AMOT: variants seen among roughly 807,000 people sequenced by gnomAD.
AMOT encodes the protein angiomotin.
AMOT carries 11 observed loss-of-function variants against 67.0 expected under a neutral mutation model. The observed-to-expected ratio is 0.16, with a 90% CI of 0.10 to 0.27. AMOT has a LOEUF of 0.27. Ranked by LOEUF, AMOT falls within the 10% of genes least tolerant of loss-of-function variation. The pLI, the probability that AMOT is intolerant of heterozygous loss-of-function variation, is 1.00. For synonymous variants in AMOT, 326 were observed against 321.4 expected (o/e 1.01, Z -0.15); for missense variants, 753 against 852.0 (o/e 0.88, Z 1.45).
chrX:112,806,364 T>C, intron 7 of AMOT, among the ~76,000 whole-genome samples: 1 of 101,243 alleles, frequency 9.9e-6, no homozygotes, highest in Middle Eastern at 5.0e-3. Context: ...AAAACGTGTG[T>C]GTATATATAT....
intron 10 of AMOT, among the ~76,000 whole-genome samples, chrX:112,789,793 C>T (rs551243403): frequency 1.8e-5 from 2 of 109,624 alleles, no homozygotes; most frequent in Non-Finnish European, 1.9e-5. Flanking sequence ...CAGACCAAGG[C>T]TCTGTTATCG....
Position 112,840,773 on chromosome X carries a change from G to C in AMOT, c.-610C>G, listed in dbSNP as rs1935273428. ...GTCTACCAGTTTAGGCAGCCAGAAA[G>C]CTCCTCGGAAGGAAGGGGCGTGACT... On this transcript the variant is annotated 5_prime_UTR_variant, in exon 1 of 14. Transcript: ENST00000371959. 8.8e-6 allele frequency: 1 copy of C among 113,182 alleles called. No homozygotes were observed. The highest frequency in any genetic ancestry group is 2.8e-4 in the East Asian group (1 of 3,585). 9.3% of individuals were successfully genotyped at this position (113,182 alleles called of 1,213,427 possible).
At chrX:112,797,325 A>C (rs1933855708) in intron 8 of AMOT, among the ~76,000 whole-genome samples, 1 of 111,378 alleles carries the variant, frequency 9.0e-6, no homozygotes, top group Non-Finnish European at 1.9e-5. Flanking sequence ...ACACAGTTTA[A>C]GCTATAATAA....
intron 2 of AMOT, among the ~76,000 whole-genome samples, chrX:112,828,216 T>C (rs1480609941): frequency 9.1e-6 from 1 of 109,521 alleles, no homozygotes; most frequent in Non-Finnish European, 1.9e-5. Context: ...TTGCAGGTTA[T>C]CTCAATGGAT....
intron 1 of AMOT, among the ~76,000 whole-genome samples, chrX:112,832,990 G>A (rs1253394321): frequency 1.8e-5 from 2 of 112,055 alleles, no homozygotes; most frequent in African/African-American, 3.3e-5. Flanking sequence ...CCTTGCCTGA[G>A]GTGCCACTGC....
At chrX:112,780,784 C>T in intron 12 of AMOT, 102 bp downstream of exon 12, 4 of 903,132 alleles carry the variant, frequency 4.4e-6, no homozygotes, top group Non-Finnish European at 6.2e-6. Context: ...ACACCTTCCT[C>T]TCTAGAACCT....
chrX:112,807,431 T>C (rs1184724578), intron 7 of AMOT, among the ~76,000 whole-genome samples: 1 of 109,380 alleles, frequency 9.1e-6, no homozygotes, highest in Non-Finnish European at 1.9e-5. Flanking sequence ...AGGTAAAATA[T>C]ACAGTTTGAA....
At chrX:112,810,959 T>A (rs1934343891) in intron 6 of AMOT, among the ~76,000 whole-genome samples, 1 of 111,646 alleles carries the variant, frequency 9.0e-6, no homozygotes, top group South Asian at 3.8e-4. Flanking sequence ...GCACCTATTG[T>A]GGGGGTGGGC....
Position 112,812,893 on chromosome X carries a change from A to C in AMOT, c.1393-1500T>G, listed in dbSNP as rs1484387939. ...CAAACAAATAAGGCTTATGCCACAG[A>C]AAAGAGCAGACTCAAAAGTGTTTTT... is the stretch of plus-strand genomic sequence containing the variant. On this transcript the variant is annotated intron_variant, in intron 5 of 13. Transcript: ENST00000371959. Among the ~76,000 whole-genome samples the C allele has an allele frequency of 2.7e-5, 3 of 112,580 alleles. No homozygotes were observed. The East Asian group carries it at 8.4e-4, about 31-fold the overall frequency.
Position 112,777,092 on chromosome X carries a change from T to C in AMOT, c.*1475A>G, listed in dbSNP as rs1301725120. 1 of 111,118 alleles carries C rather than the reference T, an allele frequency of 9.0e-6. No homozygotes were observed. The highest frequency in any genetic ancestry group is 1.9e-5 in the Non-Finnish European group (1 of 52,990). The allele number at this position is 111,118 out of a possible 1,213,427, so 9.2% of individuals were successfully genotyped here. A position where few individuals can be genotyped will look rare whatever the true frequency, so the allele number is the denominator to read the frequency against. ...TATCAGGCCTACTCTTCTATTAATC[T>C]GGTTTCTAACTAAGACATCCCAAAA... On this transcript the variant is annotated 3_prime_UTR_variant, in exon 14 of 14. Coordinates refer to ENST00000371959, the MANE Select transcript of AMOT (RefSeq NM_001113490.2).
chrX:112,787,538 G>C (rs1933405855), intron 10 of AMOT, among the ~76,000 whole-genome samples: 1 of 111,705 alleles, frequency 9.0e-6, no homozygotes, highest in Non-Finnish European at 1.9e-5. Context: ...CAAATTCAAG[G>C]GCACAAGAAC....
At chrX:112,818,575 G>A (rs1934629810) in intron 4 of AMOT, among the ~76,000 whole-genome samples, 1 of 111,420 alleles carries the variant, frequency 9.0e-6, no homozygotes, top group Admixed American at 9.5e-5. Context: ...AAGCCCTTCA[G>A]TGAAGAACTC....
chrX:112,784,934 T>C (rs1342171432), intron 10 of AMOT, among the ~76,000 whole-genome samples: 1 of 111,763 alleles, frequency 8.9e-6, no homozygotes, highest in Non-Finnish European at 1.9e-5. Context: ...TGCCAGCTAA[T>C]TGATATGGAC....
chrX:112,810,263 T>C (rs912585998), intron 6 of AMOT, among the ~76,000 whole-genome samples: 4 of 111,770 alleles, frequency 3.6e-5, no homozygotes, highest in Non-Finnish European at 7.5e-5. Context: ...TCCCCAAATA[T>C]ATAAAGATAT....
At chrX:112,831,775 T>C (rs1345081554) in intron 2 of AMOT, among the ~76,000 whole-genome samples, 1 of 108,134 alleles carries the variant, frequency 9.2e-6, no homozygotes, top group Admixed American at 9.9e-5. Context: ...GGCTGGACCA[T>C]ATTGACTAGG....
intron 6 of AMOT, among the ~76,000 whole-genome samples, chrX:112,810,814 C>T (rs1410113856): frequency 2.7e-5 from 3 of 111,812 alleles, no homozygotes. Flanking sequence ...AAATATTTCC[C>T]AAAGTCTTCA....
chrX:112,804,893 C>T (rs758026023), intron 8 of AMOT, 54 bp downstream of exon 8: 5 of 1,144,794 alleles, frequency 4.4e-6, no homozygotes, highest in Admixed American at 2.2e-5. Context: ...CCAGTGTCCC[C>T]GATTTCCCAG....
Position 112,800,403 on chromosome X carries a change from TG to T in AMOT, c.1776+4543del, listed in dbSNP as rs1021428599. The stretch of plus-strand genomic sequence containing the variant: ...CCAGCAGAACACTTTGGAAGATTCC[TG>T]GGTGGATATGTATTTTATCTGTATC... On this transcript the variant is annotated intron_variant, in intron 8 of 13. Transcript: ENST00000371959. 4.5e-5 allele frequency among the ~76,000 whole-genome samples: 5 copies of T among 111,931 alleles called. No homozygotes were observed. In the Admixed American group the frequency reaches 4.7e-4, roughly 11 times the overall value.
chrX:112,785,717 C>A (rs1280455106), intron 10 of AMOT, among the ~76,000 whole-genome samples: 1 of 111,994 alleles, frequency 8.9e-6, no homozygotes, highest in Non-Finnish European at 1.9e-5. Context: ...GCAGACCAGT[C>A]AGCAAGGTGA....
Sources: gnomAD v4.1 joint callset for allele counts (sites outside exome capture counted in the v4.1 genomes callset) on GRCh38, gnomAD v4.1.1 for gene constraint, MANE v1.5 for transcripts, NCBI Gene and HGNC (gene_info 2026-07-23, HGNC 2026-07-21) for gene names.